Variants in DOCK5 observed in about 807,000 individuals in gnomAD.
The protein encoded by DOCK5 is dedicator of cytokinesis protein 5.
A neutral mutation model predicts 251.8 loss-of-function variants in DOCK5; 142 were observed. The observed-to-expected ratio is 0.56, with a 90% CI of 0.49 to 0.65. The LOEUF (loss-of-function observed/expected upper bound fraction) is 0.65. Among genes scored for constraint, DOCK5 ranks in the 30% least tolerant of loss-of-function variants. The probability of loss-of-function intolerance (pLI) is 0.00; values close to 1 mark genes in which losing one functional copy is unlikely to be tolerated. For missense variants in DOCK5, 2,111 were observed against 2,312.3 expected, an observed-to-expected ratio of 0.91 and a Z score of 1.79; for synonymous variants, 842 against 835.5, an observed-to-expected ratio of 1.01 and a Z score of -0.13.
At chr8:25,387,906 G>C (rs967968876) in intron 40 of DOCK5, among the ~76,000 whole-genome samples, 1 of 152,076 alleles carries the variant, frequency 6.6e-6, no homozygotes, top group African/African-American at 2.4e-5. Context: ...TCCTTTTACA[G>C]TTATCGTCTG....
intron 25 of DOCK5, among the ~76,000 whole-genome samples, chr8:25,344,578 C>G (rs1311266453): frequency 6.6e-6 from 1 of 152,200 alleles, no homozygotes; most frequent in East Asian, 1.9e-4. Context: ...AGGACTTGAG[C>G]TAGATCGTAT....
At position 25,254,778 on chromosome 8, in the gene DOCK5, A is replaced by AAAAAAG. The variant is rs1803369563; in HGVS notation, c.127+11025_127+11026insAGAAAA. Among the ~76,000 whole-genome samples, 2 of 129,014 alleles carry AAAAAAG rather than the reference A, an allele frequency of 1.6e-5. 1 individual carries two copies. The highest frequency in any genetic ancestry group is 3.2e-5 in the Non-Finnish European group (2 of 63,160). The allele number at this position is 129,014 out of a possible 152,430, so 84.6% of individuals were successfully genotyped here. A position where few individuals can be genotyped will look rare whatever the true frequency, so the allele number is the denominator to read the frequency against. ...GACAAAGCAAGACTTTGTCTCAAAAAAAAACAAAACAAAACAAAAAAAAAA... is the reference window on the plus strand; with the variant it reads ...GACAAAGCAAGACTTTGTCTCAAAAAAAAAAGAAAACAAAACAAAACAAAAAAAAAA... On this transcript the variant is annotated intron_variant, in intron 2 of 51. Coordinates refer to ENST00000276440, the MANE Select transcript of DOCK5 (RefSeq NM_024940.8).
At chr8:25,276,534 C>G (rs1467701435) in intron 4 of DOCK5, among the ~76,000 whole-genome samples, 1 of 151,978 alleles carries the variant, frequency 6.6e-6, no homozygotes, top group Non-Finnish European at 1.5e-5. Flanking sequence ...GGACTGGAAT[C>G]CTGGGGCTGA....
Position 25,234,878 on chromosome 8 carries a change from G to A in DOCK5, c.44-8796G>A, listed in dbSNP as rs149691501. On this transcript the variant is annotated intron_variant, in intron 1 of 51. Coordinates refer to ENST00000276440, the MANE Select transcript of DOCK5 (RefSeq NM_024940.8). ...CCATTGCCTTGGAAGGACCATTGAG[G>A]CTGATTTGTTCTTGACCTCTCCAGT... Among the ~76,000 whole-genome samples, 4 of 152,282 alleles carry A rather than the reference G, an allele frequency of 2.6e-5. No individual in the cohort carries two copies. The East Asian group carries it at 5.8e-4, about 22-fold the overall frequency.
chr8:25,233,228 T>C (rs1327896967), intron 1 of DOCK5, among the ~76,000 whole-genome samples: 1 of 152,186 alleles, frequency 6.6e-6, no homozygotes, highest in Non-Finnish European at 1.5e-5. Flanking sequence ...CAGGTATCAC[T>C]CCCTGCATTG....
chr8:25,273,964 G>A (rs1803979976), intron 3 of DOCK5, among the ~76,000 whole-genome samples: 2 of 152,292 alleles, frequency 1.3e-5, no homozygotes, highest in Admixed American at 6.5e-5. Context: ...GTCTCAAAGC[G>A]AGGAGGAGAA....
chr8:25,283,684 C>T (rs1804264004), intron 5 of DOCK5, among the ~76,000 whole-genome samples: 1 of 152,132 alleles, frequency 6.6e-6, no homozygotes, highest in South Asian at 2.1e-4. Context: ...GGCCCCTTAT[C>T]CAAGGTCGCT....
At chr8:25,272,055 A>G (rs1377826926) in intron 3 of DOCK5, among the ~76,000 whole-genome samples, 1 of 152,214 alleles carries the variant, frequency 6.6e-6, no homozygotes, top group African/African-American at 2.4e-5. Flanking sequence ...TTGAGACAGG[A>G]TCTCAGTCTG....
chr8:25,325,978 C>T lies in DOCK5; in HGVS notation c.1903+431C>T, dbSNP rs574272004. Among the ~76,000 whole-genome samples, 134 of 152,122 alleles carry T rather than the reference C, an allele frequency of 8.8e-4. 4 individuals are homozygous for T. In the South Asian group the frequency reaches 0.026, roughly 30 times the overall value. ...CAGGGCTTCCTGTTTGAGTTCTGTC[C>T]TTCCCTCCTATATTCTCTTCTTTCC... On this transcript the variant is annotated intron_variant, in intron 18 of 51. Coordinates refer to ENST00000276440, the MANE Select transcript of DOCK5 (RefSeq NM_024940.8).
chr8:25,256,660 GAAT>G (rs1018296392), intron 2 of DOCK5, among the ~76,000 whole-genome samples: 17 of 130,030 alleles, frequency 1.3e-4, no homozygotes, highest in Non-Finnish European at 2.5e-4. Flanking sequence ...AAAAAAAAAA[GAAT>G]CTGTTATAGT....
intron 15 of DOCK5, among the ~76,000 whole-genome samples, 190 bp downstream of exon 15, chr8:25,319,866 T>C (rs940307294): frequency 6.6e-6 from 1 of 152,208 alleles, no homozygotes. Flanking sequence ...AACTCAGTGA[T>C]GTATGAGAAT....
At chr8:25,242,471 C>G (rs1586257992) in intron 1 of DOCK5, among the ~76,000 whole-genome samples, 2 of 152,188 alleles carry the variant, frequency 1.3e-5, no homozygotes, top group African/African-American at 2.4e-5. Flanking sequence ...CACATTCTTG[C>G]CATTTGTCTG....
At position 25,338,165 on chromosome 8, in the gene DOCK5, C is replaced by G. The variant is rs534832212; in HGVS notation, c.2327+1792C>G. On this transcript the variant is annotated intron_variant, in intron 22 of 51. Transcript: ENST00000276440. ...CAAGCGATCCTCCAACCTTAGCCCCCCAAGTAGCTGGGACCAAAGGGCACG... is the reference window on the plus strand; with the variant it reads ...CAAGCGATCCTCCAACCTTAGCCCCGCAAGTAGCTGGGACCAAAGGGCACG... Among the ~76,000 whole-genome samples, 143 of 152,078 alleles carry G rather than the reference C, an allele frequency of 9.4e-4. 2 individuals carry two copies. The highest frequency in any genetic ancestry group is 3.3e-3 in the African/African-American group (138 of 41,488).
At chr8:25,381,576 T>C (rs1164312782) in intron 39 of DOCK5, among the ~76,000 whole-genome samples, 1 of 151,608 alleles carries the variant, frequency 6.6e-6, no homozygotes, top group Non-Finnish European at 1.5e-5. Context: ...TGCAGTGAAC[T>C]GTAATCATGC....
intron 40 of DOCK5, among the ~76,000 whole-genome samples, chr8:25,384,681 A>G (rs1442047081): frequency 6.6e-6 from 1 of 151,894 alleles, no homozygotes; most frequent in Non-Finnish European, 1.5e-5. Context: ...GCTGATCTCG[A>G]ACTCCTGACC....
rs558814946 is a variant in DOCK5, at chr8:25,281,921, C to T, written c.321+3256C>T. ...AAAAAAAAAAAAGCCATCCCCTCTTCGAGGGCAGCACATTTCTCATTTTAA... is the reference window on the plus strand; with the variant it reads ...AAAAAAAAAAAAGCCATCCCCTCTTTGAGGGCAGCACATTTCTCATTTTAA... On this transcript the variant is annotated intron_variant, in intron 5 of 51. Coordinates refer to ENST00000276440, the MANE Select transcript of DOCK5 (RefSeq NM_024940.8). 2.1e-3 allele frequency among the ~76,000 whole-genome samples: 313 copies of T among 148,100 alleles called. 5 individuals are homozygous for T. Among genetic ancestry groups the T allele is most frequent in the African/African-American group, 7.2e-3 (290 of 40,498 alleles).
rs1801599407 is a variant in DOCK5 at position 25,192,202 on chromosome 8, T to C, written c.43+7251T>C. Among the ~76,000 whole-genome samples, 3 of 27,294 alleles carry C rather than the reference T, an allele frequency of 1.1e-4. No homozygotes were observed. The East Asian group carries it at 1.8e-3, about 16-fold the overall frequency. 17.9% of individuals were successfully genotyped at this position (27,294 alleles called of 152,430 possible). On this transcript the variant is annotated intron_variant, in intron 1 of 51. Transcript: ENST00000276440. The stretch of plus-strand genomic sequence containing the variant: ...GACATTTGGGTTGGTTCCAAGTCTT[T>C]GCTATTGTGAATGTGCCACAATAAA...
At chr8:25,370,473 G>A (rs2659577) in intron 34 of DOCK5, among the ~76,000 whole-genome samples, 148,790 of 152,296 alleles carry the variant, frequency 0.98, 72,770 homozygotes, top group Middle Eastern at 1. Flanking sequence ...TGGCTGCTCT[G>A]GTGTTCATGG....
intron 48 of DOCK5, among the ~76,000 whole-genome samples, chr8:25,406,544 C>T: frequency 6.6e-6 from 1 of 152,082 alleles, no homozygotes; most frequent in East Asian, 1.9e-4. Flanking sequence ...TTACATAGCT[C>T]CAATTATAGC....
Sources: allele counts gnomAD v4.1 joint callset (sites outside exome capture counted in the v4.1 genomes callset), GRCh38; gene constraint gnomAD v4.1.1; transcripts MANE v1.5; gene names NCBI Gene and HGNC (gene_info 2026-07-23, HGNC 2026-07-21).